PHACTR1: variants seen among roughly 807,000 people sequenced by gnomAD.
PHACTR1 encodes the protein phosphatase and actin regulator 1.
In PHACTR1, 16 loss-of-function variants were observed where a neutral mutation model predicts 69.2. The ratio of observed to expected loss-of-function variants is 0.23; its 90% CI spans 0.16 to 0.35. PHACTR1 has a LOEUF of 0.35. Ranked by LOEUF, PHACTR1 falls within the 10% of genes least tolerant of loss-of-function variation. The pLI, the probability that PHACTR1 is intolerant of heterozygous loss-of-function variation, is 1.00. For missense variants in PHACTR1, 510 were observed against 734.7 expected, an observed-to-expected ratio of 0.69 and a Z score of 3.54; for synonymous variants, 312 against 284.5, an observed-to-expected ratio of 1.10 and a Z score of -0.97.
chr6:13,134,138 G>T (rs1313410015), intron 5 of PHACTR1, among the ~76,000 whole-genome samples: 1 of 151,610 alleles, frequency 6.6e-6, no homozygotes, highest in African/African-American at 2.4e-5. Flanking sequence ...TCTCCGCCTG[G>T]CAGCCGCCCC....
chr6:13,165,694 G>T (rs1161762373), intron 6 of PHACTR1, among the ~76,000 whole-genome samples: 1 of 152,134 alleles, frequency 6.6e-6, no homozygotes, highest in Non-Finnish European at 1.5e-5. Context: ...CTTGTGGGAG[G>T]TGATATTTTC....
intron 6 of PHACTR1, among the ~76,000 whole-genome samples, chr6:13,169,951 A>G (rs1223548): frequency 0.17 from 25,699 of 152,176 alleles, 2,634 homozygotes; most frequent in South Asian, 0.44. Flanking sequence ...TTTCATATTT[A>G]TTGCGTGAAA....
intron 4 of PHACTR1, among the ~76,000 whole-genome samples, chr6:12,865,698 T>A (rs1781388195): frequency 2.0e-5 from 3 of 152,204 alleles, no homozygotes; most frequent in African/African-American, 7.2e-5. Context: ...AGCTGTAAAA[T>A]GACAGGTTTG....
At chr6:13,217,085 T>C (rs1458982651) in intron 8 of PHACTR1, among the ~76,000 whole-genome samples, 1 of 152,156 alleles carries the variant, frequency 6.6e-6, no homozygotes, top group African/African-American at 2.4e-5. Flanking sequence ...ATTAAAACAC[T>C]AAAGGAAATA....
chr6:12,858,630 C>T (rs1031705816), intron 4 of PHACTR1, among the ~76,000 whole-genome samples: 2 of 151,182 alleles, frequency 1.3e-5, no homozygotes, highest in Admixed American at 6.6e-5. Flanking sequence ...CCCATCTCTA[C>T]AAAAAAAAAT....
At chr6:13,284,903 G>A (rs1005758740) in intron 13 of PHACTR1, among the ~76,000 whole-genome samples, 29 of 152,240 alleles carry the variant, frequency 1.9e-4, no homozygotes, top group Middle Eastern at 3.4e-3. Flanking sequence ...ACCATGTGTG[G>A]AAGACTGTGC....
chr6:12,769,877 T>G (rs1057222938), intron 4 of PHACTR1, among the ~76,000 whole-genome samples: 1 of 152,268 alleles, frequency 6.6e-6, no homozygotes, highest in Non-Finnish European at 1.5e-5. Flanking sequence ...AAGTCGAGCC[T>G]TGGCTGAAGC....
intron 5 of PHACTR1, among the ~76,000 whole-genome samples, chr6:13,101,674 A>AATTG (rs950556956): frequency 6.6e-6 from 1 of 152,242 alleles, no homozygotes; most frequent in African/African-American, 2.4e-5. Context: ...AGTGGTGGAC[A>AATTG]GTATTTCACC....
intron 4 of PHACTR1, among the ~76,000 whole-genome samples, chr6:12,973,247 CCTTTT>C (rs1794452942): frequency 6.6e-6 from 1 of 152,092 alleles, no homozygotes; most frequent in East Asian, 1.9e-4. Context: ...AAGCTCAAAA[CCTTTT>C]CTTTATTTAT....
chr6:12,756,800 G>A (rs1342611329), intron 4 of PHACTR1, among the ~76,000 whole-genome samples: 2 of 152,170 alleles, frequency 1.3e-5, no homozygotes, highest in African/African-American at 4.8e-5. Flanking sequence ...ACATGGAAAG[G>A]CCATTATTGC....
At chr6:12,815,941 A>AT (rs1775534619) in intron 4 of PHACTR1, among the ~76,000 whole-genome samples, 1 of 152,216 alleles carries the variant, frequency 6.6e-6, no homozygotes, top group South Asian at 2.1e-4. Flanking sequence ...GAAAGAATCA[A>AT]TATTTCCTGG....
chr6:13,265,561 G>C (rs1361815853), intron 10 of PHACTR1, among the ~76,000 whole-genome samples: 1 of 152,192 alleles, frequency 6.6e-6, no homozygotes, highest in East Asian at 1.9e-4. Flanking sequence ...TAGTTAATGA[G>C]AGTACTCTCA....
chr6:12,821,880 A>G (rs1231210607), intron 4 of PHACTR1, among the ~76,000 whole-genome samples: 1 of 152,224 alleles, frequency 6.6e-6, no homozygotes, highest in Non-Finnish European at 1.5e-5. Flanking sequence ...TATGTGAGCA[A>G]ATGACTTTGG....
At chr6:12,984,738 G>C (rs1795924780) in intron 4 of PHACTR1, among the ~76,000 whole-genome samples, 1 of 151,732 alleles carries the variant, frequency 6.6e-6, no homozygotes, top group South Asian at 2.1e-4. Flanking sequence ...GGAGAGGATG[G>C]GTCCTGTTGT....
At chr6:13,231,298 G>A (rs1413603700) in intron 10 of PHACTR1, among the ~76,000 whole-genome samples, 4 of 29,410 alleles carry the variant, frequency 1.4e-4, no homozygotes, top group Admixed American at 5.2e-4. Flanking sequence ...AAGAGAGAGC[G>A]AAAGAGAAGG....
At chr6:12,952,954 ACT>A (rs1266089249) in intron 4 of PHACTR1, among the ~76,000 whole-genome samples, 1 of 152,166 alleles carries the variant, frequency 6.6e-6, no homozygotes, top group African/African-American at 2.4e-5. Flanking sequence ...GCCAAAAATG[ACT>A]CTGAGAAAAA....
chr6:13,182,538 C>T lies in PHACTR1; in HGVS notation c.516C>T (p.Ser172=). The T allele has an allele frequency of 6.2e-7, 1 of 1,613,878 alleles. No individual in the cohort carries two copies. The highest frequency in any genetic ancestry group is 1.3e-5 in the African/African-American group (1 of 75,034). Residue 172 remains serine (S), a synonymous_variant, in exon 7 of 15, where the codon TCC becomes TCT. Coordinates refer to ENST00000332995, the MANE Select transcript of PHACTR1 (RefSeq NM_030948.6). The part of the protein sequence containing the change: ...IYDKDGELSI[S]NEEDSLENGQ... ...TGACAGATGGGGAACTCTCTATATCCAATGAAGAGGACTCCCTAGAAAATG... is the reference window on the plus strand; with the variant it reads ...TGACAGATGGGGAACTCTCTATATCTAATGAAGAGGACTCCCTAGAAAATG...
At chr6:12,915,397 C>T (rs1240035619) in intron 4 of PHACTR1, among the ~76,000 whole-genome samples, 1 of 150,730 alleles carries the variant, frequency 6.6e-6, no homozygotes, top group Non-Finnish European at 1.5e-5. Context: ...ATCTCAGATA[C>T]TTGGGAGGCT....
intron 3 of PHACTR1, among the ~76,000 whole-genome samples, chr6:12,726,334 T>C (rs1762793889): frequency 6.6e-6 from 1 of 152,186 alleles, no homozygotes; most frequent in African/African-American, 2.4e-5. Context: ...CAACTCTTAC[T>C]ACGGTGAGCT....
Sources: allele counts gnomAD v4.1 joint callset (sites outside exome capture counted in the v4.1 genomes callset), GRCh38; gene constraint gnomAD v4.1.1; transcripts MANE v1.5; gene names NCBI Gene and HGNC (gene_info 2026-07-23, HGNC 2026-07-21).